NRG3: variants seen among roughly 807,000 people sequenced by gnomAD.
NRG3 encodes the protein pro-neuregulin-3, membrane-bound isoform.
In NRG3, 31 loss-of-function variants were observed where a neutral mutation model predicts 66.9. The ratio of observed to expected loss-of-function variants is 0.46; its 90% CI spans 0.35 to 0.63. NRG3 has a LOEUF of 0.63. NRG3 is among the 20% of genes least tolerant of loss of function. The probability of loss-of-function intolerance (pLI) is 0.00; values close to 1 mark genes in which losing one functional copy is unlikely to be tolerated. For missense variants in NRG3, 910 were observed against 878.9 expected, an observed-to-expected ratio of 1.04 and a Z score of -0.45; for synonymous variants, 393 against 359.4, an observed-to-expected ratio of 1.09 and a Z score of -1.06.
intron 2 of NRG3, among the ~76,000 whole-genome samples, chr10:82,678,352 T>C (rs1405780720): frequency 6.6e-6 from 1 of 151,630 alleles, no homozygotes; most frequent in African/African-American, 2.4e-5. Context: ...AAAATTACAG[T>C]CAAAGGGGGT....
At chr10:82,925,607 T>C (rs927487666) in intron 4 of NRG3, among the ~76,000 whole-genome samples, 4 of 152,236 alleles carry the variant, frequency 2.6e-5, no homozygotes, top group Non-Finnish European at 4.4e-5. Context: ...TAATTCCCAG[T>C]AGCAGAAAAA....
intron 1 of NRG3, chr10:82,232,568 G>A (rs769983005): frequency 8.4e-5 from 47 of 558,340 alleles, no homozygotes; most frequent in Admixed American, 6.2e-5. Flanking sequence ...ACTTCTGACC[G>A]TTTTTCTGGT....
At chr10:82,809,000 A>G (rs2061392113) in intron 3 of NRG3, among the ~76,000 whole-genome samples, 1 of 152,162 alleles carries the variant, frequency 6.6e-6, no homozygotes, top group Admixed American at 6.5e-5. Context: ...ACTGAAGGCA[A>G]AGAAATGAGG....
chr10:82,919,892 T>G (rs1055259609), intron 4 of NRG3, among the ~76,000 whole-genome samples: 1 of 151,466 alleles, frequency 6.6e-6, no homozygotes, highest in African/African-American at 2.4e-5. Context: ...CAAAAATTTC[T>G]CAAATTACTG....
chr10:82,417,189 A>C (rs1473919292), intron 2 of NRG3, among the ~76,000 whole-genome samples: 1 of 152,216 alleles, frequency 6.6e-6, no homozygotes, highest in East Asian at 1.9e-4. Flanking sequence ...AATTAAAGTA[A>C]CAACTTTTTC....
At chr10:82,895,749 CA>C (rs1444005068) in intron 4 of NRG3, among the ~76,000 whole-genome samples, 11 of 152,028 alleles carry the variant, frequency 7.2e-5, no homozygotes, top group Non-Finnish European at 1.0e-4. Context: ...CTTGGCCTCC[CA>C]AAAGTGCTGG....
chr10:81,905,799 C>A (rs1441640030), intron 1 of NRG3, among the ~76,000 whole-genome samples: 1 of 152,168 alleles, frequency 6.6e-6, no homozygotes, highest in Non-Finnish European at 1.5e-5. Flanking sequence ...TGCATGCATT[C>A]TATTCTGCTC....
intron 3 of NRG3, among the ~76,000 whole-genome samples, chr10:82,757,029 C>T (rs1350289004): frequency 6.6e-6 from 1 of 151,946 alleles, no homozygotes; most frequent in African/African-American, 2.4e-5. Flanking sequence ...CAAAACAAAA[C>T]TGTTTTCCTC....
chr10:81,991,360 A>G (rs2060733306), intron 1 of NRG3, among the ~76,000 whole-genome samples: 2 of 152,172 alleles, frequency 1.3e-5, no homozygotes, highest in Admixed American at 1.3e-4. Flanking sequence ...AGATCATAGA[A>G]CTTGGCACCT....
intron 1 of NRG3, among the ~76,000 whole-genome samples, chr10:81,910,546 AC>A (rs1845037011): frequency 6.6e-6 from 1 of 152,230 alleles, no homozygotes; most frequent in African/African-American, 2.4e-5. Context: ...CAATTCTTAG[AC>A]CAAAATAGAA....
chr10:82,867,452 A>T (rs547213208), intron 4 of NRG3, among the ~76,000 whole-genome samples: 1 of 152,320 alleles, frequency 6.6e-6, no homozygotes, highest in Non-Finnish European at 1.5e-5. Context: ...CCCTGAGAGA[A>T]CAGAGGAAAT....
chr10:82,630,577 C>T (rs2049755518), intron 2 of NRG3, among the ~76,000 whole-genome samples: 1 of 151,694 alleles, frequency 6.6e-6, no homozygotes, highest in African/African-American at 2.4e-5. Flanking sequence ...ACTTGGGAGG[C>T]TGAGGCAGGA....
At chr10:82,728,202 G>A (rs565781082) in intron 2 of NRG3, among the ~76,000 whole-genome samples, 9 of 152,234 alleles carry the variant, frequency 5.9e-5, no homozygotes, top group East Asian at 1.9e-4. Flanking sequence ...TGTAGGGAAC[G>A]CATGATTTGT....
At chr10:82,076,754 C>T (rs2133372829) in intron 1 of NRG3, among the ~76,000 whole-genome samples, 1 of 152,322 alleles carries the variant, frequency 6.6e-6, no homozygotes, top group Non-Finnish European at 1.5e-5. Flanking sequence ...TGGAAACTTC[C>T]TGAGGCTCTC....
chr10:82,976,292 G>T (rs1385982341), intron 7 of NRG3, among the ~76,000 whole-genome samples: 4 of 152,162 alleles, frequency 2.6e-5, no homozygotes, highest in Admixed American at 2.6e-4. Flanking sequence ...CTGACCTCAG[G>T]TGATCCGCCC....
chr10:82,899,245 A>G (rs551656031), intron 4 of NRG3, among the ~76,000 whole-genome samples: 14 of 152,232 alleles, frequency 9.2e-5, no homozygotes, highest in African/African-American at 3.1e-4. Context: ...CTCACACTGT[A>G]TGATTTGGTG....
intron 1 of NRG3, among the ~76,000 whole-genome samples, chr10:82,135,183 G>A (rs1311044612): frequency 1.3e-5 from 2 of 151,126 alleles, no homozygotes; most frequent in Admixed American, 1.3e-4. Flanking sequence ...TGGATTATAG[G>A]GTTTCCACTG....
At chr10:82,643,957 C>T (rs1361361305) in intron 2 of NRG3, among the ~76,000 whole-genome samples, 3 of 151,688 alleles carry the variant, frequency 2.0e-5, no homozygotes, top group Non-Finnish European at 4.4e-5. Context: ...CTTGACTAAC[C>T]ATTTTTATTT....
intron 2 of NRG3, among the ~76,000 whole-genome samples, chr10:82,639,265 C>T (rs1353582834): frequency 6.6e-6 from 1 of 152,136 alleles, no homozygotes; most frequent in Non-Finnish European, 1.5e-5. Context: ...TGACTTCTTG[C>T]TGTGTCCACA....
Sources: gnomAD v4.1 joint callset for allele counts (sites outside exome capture counted in the v4.1 genomes callset) on GRCh38, gnomAD v4.1.1 for gene constraint, MANE v1.5 for transcripts, NCBI Gene and HGNC (gene_info 2026-07-23, HGNC 2026-07-21) for gene names.